Variants in SH3RF2 observed in about 807,000 individuals in gnomAD.
SH3RF2 encodes the protein SH3 domain containing ring finger 2, also known as E3 ubiquitin-protein ligase SH3RF2.
In SH3RF2, 43 loss-of-function variants were observed where a neutral mutation model predicts 59.0. The observed-to-expected ratio is 0.73, with a 90% confidence interval of 0.57 to 0.94. SH3RF2 has a LOEUF of 0.94. SH3RF2 is among the 40% of genes least tolerant of loss of function. SH3RF2 has a pLI of 0.00. For synonymous variants in SH3RF2, 391 were observed against 391.5 expected (o/e 1.00, Z 0.01); for missense variants, 930 against 940.1 (o/e 0.99, Z 0.14).
At chr5:145,982,382 C>T (rs1759537650) in intron 2 of SH3RF2, among the ~76,000 whole-genome samples, 1 of 152,200 alleles carries the variant, frequency 6.6e-6, no homozygotes, top group Non-Finnish European at 1.5e-5. Flanking sequence ...ACAGGTTTCT[C>T]AGCTTGCTTC....
rs1561741994 is a variant in SH3RF2, at chr5:146,013,812, C to A, written c.810C>A (p.Asn270Lys). Residue 270 changes from asparagine to lysine, a missense_variant, in exon 5 of 10, where the codon AAC becomes AAA. By Grantham distance (94) the Asn-to-Lys change is moderately conservative. Transcript: ENST00000359120. ...GTCGCCAGTCATCCCGCACAAAAAA[C>A]CTGTCCCTGGTGTCCTCGTCCTCCA... ...NKGRQSSRTKNLSLVSSSSRG... is the reference protein window; with the variant it reads ...NKGRQSSRTKKLSLVSSSSRG... 2 of 1,614,182 alleles carry A rather than the reference C, an allele frequency of 1.2e-6. No individual in the cohort carries two copies. Among genetic ancestry groups the A allele is most frequent in the Admixed American group, 3.3e-5 (2 of 60,030 alleles).
In SH3RF2 at chr5:145,969,365, G is replaced by A. The variant is rs139637690; in HGVS notation, c.379-30693G>A. On this transcript the variant is annotated intron_variant, in intron 2 of 9. Transcript: ENST00000359120. ...TAGTGCAATCAGAATTAAAAAGAAG[G>A]GGAGTTGGTGGGAAGTAAGAAGAAA... Among the ~76,000 whole-genome samples the A allele has an allele frequency of 6.9e-3, 1,058 of 152,264 alleles. 16 individuals are homozygous for A. The highest frequency in any genetic ancestry group is 0.024 in the African/African-American group (1,013 of 41,538).
At chr5:146,047,703 C>T in intron 5 of SH3RF2, 69 bp from the exon 6 acceptor site, 2 of 1,448,980 alleles carry the variant, frequency 1.4e-6, no homozygotes, top group Admixed American at 1.7e-5. Context: ...TACGTAGCTG[C>T]TCTGTTTGCT....
chr5:146,055,165 AT>A, intron 7 of SH3RF2, among the ~76,000 whole-genome samples: 1 of 152,340 alleles, frequency 6.6e-6, no homozygotes. Context: ...GCTTTAGTTC[AT>A]TTGTTGCAGG....
chr5:145,966,725 A>G (rs536702249), intron 2 of SH3RF2, among the ~76,000 whole-genome samples: 9 of 152,352 alleles, frequency 5.9e-5, no homozygotes, highest in African/African-American at 9.6e-5. Flanking sequence ...AAAAATAGAT[A>G]TAATTACTTT....
chr5:146,028,905 G>A (rs568517226), intron 5 of SH3RF2, among the ~76,000 whole-genome samples: 1 of 152,324 alleles, frequency 6.6e-6, no homozygotes, highest in South Asian at 2.1e-4. Flanking sequence ...GCCAAAACAC[G>A]AACGCGCTCC....
intron 4 of SH3RF2, among the ~76,000 whole-genome samples, chr5:146,010,228 G>A (rs536651290): frequency 3.0e-4 from 46 of 152,200 alleles, no homozygotes; most frequent in African/African-American, 7.7e-4. Flanking sequence ...TTATGGCTGC[G>A]TAGTATTCCA....
At chr5:146,034,247 T>G (rs1180297203) in intron 5 of SH3RF2, among the ~76,000 whole-genome samples, 1 of 152,216 alleles carries the variant, frequency 6.6e-6, no homozygotes, top group African/African-American at 2.4e-5. Context: ...GTGAGCTGCA[T>G]TAATTGCCCA....
chr5:145,988,866 G>A (rs1759818264), intron 2 of SH3RF2, among the ~76,000 whole-genome samples: 1 of 152,138 alleles, frequency 6.6e-6, no homozygotes. Context: ...TCAGAGAAGA[G>A]AAAACATACA....
chr5:146,080,463 G>A (rs1763405024), exon 10 of SH3RF2: 1 of 152,144 alleles, frequency 6.6e-6, no homozygotes, highest in Non-Finnish European at 1.5e-5. Flanking sequence ...GGTATAATGT[G>A]TTAGTCATTA....
At chr5:146,006,605 A>G (rs1760656610) in intron 4 of SH3RF2, among the ~76,000 whole-genome samples, 2 of 152,160 alleles carry the variant, frequency 1.3e-5, no homozygotes. Flanking sequence ...GCCAGGGGAA[A>G]AAGGAAGTAC....
chr5:145,968,046 G>T (rs1758928620), intron 2 of SH3RF2, among the ~76,000 whole-genome samples: 1 of 151,988 alleles, frequency 6.6e-6, no homozygotes, highest in African/African-American at 2.4e-5. Flanking sequence ...AAACTGTATG[G>T]ATATTTGCCT....
chr5:146,071,458 A>G (rs1763239569), intron 9 of SH3RF2, among the ~76,000 whole-genome samples: 1 of 152,228 alleles, frequency 6.6e-6, no homozygotes, highest in South Asian at 2.1e-4. Context: ...TCAGAACTAC[A>G]TTTCTAAATA....
chr5:145,943,639 C>A (rs1458017349), intron 2 of SH3RF2, among the ~76,000 whole-genome samples: 1 of 152,170 alleles, frequency 6.6e-6, no homozygotes, highest in Non-Finnish European at 1.5e-5. Flanking sequence ...TCAGGGTAAT[C>A]CCTGCAGTGG....
intron 2 of SH3RF2, among the ~76,000 whole-genome samples, chr5:145,965,965 A>G (rs576233699): frequency 1.3e-5 from 2 of 152,314 alleles, no homozygotes; most frequent in African/African-American, 4.8e-5. Flanking sequence ...CGAGCCAACC[A>G]AAGAGTTGGG....
At chr5:146,018,172 C>G (rs1761176915) in intron 5 of SH3RF2, among the ~76,000 whole-genome samples, 1 of 151,958 alleles carries the variant, frequency 6.6e-6, no homozygotes, top group Non-Finnish European at 1.5e-5. Flanking sequence ...GTGGTGAAGT[C>G]TGAGATTTTA....
At chr5:145,987,726 A>G (rs1561725451) in intron 2 of SH3RF2, among the ~76,000 whole-genome samples, 1 of 145,638 alleles carries the variant, frequency 6.9e-6, no homozygotes, top group African/African-American at 2.9e-5. Flanking sequence ...CATGGTCGGC[A>G]CTCAAAAAAA....
chr5:146,006,562 C>A (rs924554568), intron 4 of SH3RF2, among the ~76,000 whole-genome samples: 1 of 152,014 alleles, frequency 6.6e-6, no homozygotes, highest in Non-Finnish European at 1.5e-5. Context: ...GTAGAATGTG[C>A]AAAAGTCCTG....
intron 4 of SH3RF2, among the ~76,000 whole-genome samples, chr5:146,011,725 G>T (rs1760908779): frequency 6.6e-6 from 1 of 152,160 alleles, no homozygotes. Context: ...TTTGCACATT[G>T]ATTTTGTATC....
Sources: allele counts gnomAD v4.1 joint callset (sites outside exome capture counted in the v4.1 genomes callset), GRCh38; gene constraint gnomAD v4.1.1; transcripts MANE v1.5; gene names NCBI Gene and HGNC (gene_info 2026-07-23, HGNC 2026-07-21).